The following PRKCB variants were observed in gnomAD, a reference collection of about 807,000 sequenced individuals.
PRKCB encodes the protein protein kinase C beta type.
Under a neutral mutation model 81.5 loss-of-function variants are expected in PRKCB, and 13 were observed. That is an observed-to-expected ratio of 0.16 (90% CI 0.10 to 0.25). The LOEUF is 0.25. Among genes scored for constraint, PRKCB ranks in the 10% least tolerant of loss-of-function variants. The pLI, the probability that PRKCB is intolerant of heterozygous loss-of-function variation, is 1.00. For synonymous variants in PRKCB, 335 were observed against 321.4 expected (o/e 1.04, Z -0.45); for missense variants, 509 against 875.7 (o/e 0.58, Z 5.29).
At chr16:23,913,757 C>T (rs528878639) in intron 2 of PRKCB, among the ~76,000 whole-genome samples, 15 of 152,194 alleles carry the variant, frequency 9.9e-5, no homozygotes, top group Non-Finnish European at 1.9e-4. Flanking sequence ...CTCTTAAAAT[C>T]TCCTGAGTCC....
chr16:23,836,898 C>G (rs1010229598), intron 1 of PRKCB, among the ~76,000 whole-genome samples: 1 of 152,024 alleles, frequency 6.6e-6, no homozygotes, highest in Non-Finnish European at 1.5e-5. Flanking sequence ...GCCTGGGTTC[C>G]CCTTTCCACT....
At chr16:23,869,013 C>T (rs1301787888) in intron 2 of PRKCB, 1 of 416,484 alleles carries the variant, frequency 2.4e-6, no homozygotes, top group African/African-American at 2.0e-5. Flanking sequence ...TGCCCAGGGT[C>T]CCTGTGGTGG....
chr16:24,160,529 C>G (rs1328567427), intron 10 of PRKCB, among the ~76,000 whole-genome samples: 1 of 152,150 alleles, frequency 6.6e-6, no homozygotes, highest in Non-Finnish European at 1.5e-5. Context: ...GTATTACTGC[C>G]TGTATGCTGC....
Position 23,836,089 on chromosome 16 carries a change from CCGCCTCCCG to C in PRKCB, c.-78_-70del. On this transcript the variant is annotated 5_prime_UTR_variant, in exon 1 of 17. Transcript: ENST00000643927. ...GCGGCCCCGGGTGCAGCAGCGGCCG[CCGCCTCCCG>C]CGCCTCCCCGGCCCGCAGCCCGCGG... 2 of 976,770 alleles carry C rather than the reference CCGCCTCCCG, an allele frequency of 2.0e-6. No homozygotes were observed. Among genetic ancestry groups the C allele is most frequent in the Non-Finnish European group, 2.5e-6 (2 of 812,578 alleles). 60.5% of individuals were successfully genotyped at this position (976,770 alleles called of 1,614,324 possible).
intron 5 of PRKCB, among the ~76,000 whole-genome samples, chr16:24,037,259 G>T (rs1015212242): frequency 1.3e-5 from 2 of 152,156 alleles, no homozygotes; most frequent in African/African-American, 4.8e-5. Context: ...AAAGTGCTGG[G>T]ATTACAGGTG....
chr16:24,151,619 G>A, intron 9 of PRKCB: 1 of 360,148 alleles, frequency 2.8e-6, no homozygotes, highest in Non-Finnish European at 5.5e-6. Context: ...ACAGCCCAGT[G>A]GAATCTCAGA....
chr16:23,952,644 C>T (rs1291914490), intron 2 of PRKCB, among the ~76,000 whole-genome samples: 1 of 152,128 alleles, frequency 6.6e-6, no homozygotes, highest in Non-Finnish European at 1.5e-5. Flanking sequence ...CACGTGGTTC[C>T]CTGGTGTCCC....
chr16:24,110,349 C>A (rs1966659721), intron 7 of PRKCB, among the ~76,000 whole-genome samples: 1 of 151,594 alleles, frequency 6.6e-6, no homozygotes, highest in Non-Finnish European at 1.5e-5. Flanking sequence ...ATAGCTGGGA[C>A]TACGGGCGCG....
chr16:23,911,583 A>G (rs1028152074), intron 2 of PRKCB, among the ~76,000 whole-genome samples: 1 of 152,168 alleles, frequency 6.6e-6, no homozygotes, highest in Admixed American at 6.5e-5. Flanking sequence ...ACTATTAATC[A>G]TATTGCAGAT....
chr16:23,874,011 C>T (rs1335081218), intron 2 of PRKCB, among the ~76,000 whole-genome samples: 1 of 152,118 alleles, frequency 6.6e-6, no homozygotes, highest in African/African-American at 2.4e-5. Context: ...GTGGAAATCT[C>T]ACAGAACCCT....
At chr16:23,947,920 G>A (rs1285205551) in intron 2 of PRKCB, among the ~76,000 whole-genome samples, 1 of 122,174 alleles carries the variant, frequency 8.2e-6, no homozygotes, top group Non-Finnish European at 1.6e-5. Flanking sequence ...TTGTGAATTC[G>A]CCACCTCATA....
chr16:24,154,292 C>T (rs566284211), intron 9 of PRKCB, among the ~76,000 whole-genome samples: 132 of 152,234 alleles, frequency 8.7e-4, no homozygotes, highest in Middle Eastern at 3.4e-3. Flanking sequence ...GCCTGGGCAA[C>T]ATAGTGAGAC....
intron 2 of PRKCB, among the ~76,000 whole-genome samples, chr16:23,986,600 A>T (rs1170596502): frequency 6.6e-6 from 1 of 152,162 alleles, no homozygotes; most frequent in Non-Finnish European, 1.5e-5. Flanking sequence ...ATTTAAACTT[A>T]TAATGTCCTA....
intron 5 of PRKCB, among the ~76,000 whole-genome samples, chr16:24,061,869 T>C (rs1372811316): frequency 6.8e-6 from 1 of 147,936 alleles, no homozygotes; most frequent in Non-Finnish European, 1.5e-5. Context: ...ATTTAGATTG[T>C]ATCTCTTGTA....
chr16:24,124,766 A>G (rs372949105), intron 9 of PRKCB, among the ~76,000 whole-genome samples: 16 of 152,312 alleles, frequency 1.1e-4, no homozygotes, highest in Non-Finnish European at 2.4e-4. Flanking sequence ...TGCAAAAAAT[A>G]TAAATTTCTT....
At chr16:23,976,323 C>CTA (rs1964624973) in intron 2 of PRKCB, among the ~76,000 whole-genome samples, 2 of 152,028 alleles carry the variant, frequency 1.3e-5, no homozygotes, top group South Asian at 4.2e-4. Context: ...AACCGCCCCC[C>CTA]CAAAAACGGA....
intron 2 of PRKCB, among the ~76,000 whole-genome samples, chr16:23,887,335 A>G (rs1454059888): frequency 2.0e-5 from 3 of 152,050 alleles, no homozygotes; most frequent in Non-Finnish European, 1.5e-5. Flanking sequence ...TAGTTTTTAA[A>G]CCGTTACCCC....
intron 9 of PRKCB, among the ~76,000 whole-genome samples, chr16:24,143,646 C>G (rs1045627372): frequency 3.3e-5 from 5 of 152,108 alleles, no homozygotes; most frequent in Admixed American, 1.3e-4. Flanking sequence ...CTGTCCCTCC[C>G]CAAGTTGACC....
intron 2 of PRKCB, among the ~76,000 whole-genome samples, chr16:23,956,899 G>A (rs775923397): frequency 2.7e-4 from 40 of 145,504 alleles, no homozygotes; most frequent in Admixed American, 6.4e-4. Context: ...TGGCATAATT[G>A]GGAGGCCATG....
Sources: gnomAD v4.1 joint callset for allele counts (sites outside exome capture counted in the v4.1 genomes callset) on GRCh38, gnomAD v4.1.1 for gene constraint, MANE v1.5 for transcripts, NCBI Gene and HGNC (gene_info 2026-07-23, HGNC 2026-07-21) for gene names.